The following ATXN10 variants were observed in gnomAD, a reference collection of about 807,000 sequenced individuals.
ATXN10 encodes ataxin-10.
In ATXN10, 28 loss-of-function variants were observed where a neutral mutation model predicts 52.9. The ratio of observed to expected loss-of-function variants is 0.53; its 90% CI spans 0.39 to 0.73. The LOEUF (loss-of-function observed/expected upper bound fraction) is 0.73, where lower values mean the gene tolerates loss of function less well. Ranked by LOEUF, ATXN10 falls within the 30% of genes least tolerant of loss-of-function variation. The probability of loss-of-function intolerance (pLI) is 0.00; values close to 1 mark genes in which losing one functional copy is unlikely to be tolerated. For synonymous variants in ATXN10, 226 were observed against 221.5 expected, an observed-to-expected ratio of 1.02 and a Z score of -0.18; for missense variants, 565 against 577.0, an observed-to-expected ratio of 0.98 and a Z score of 0.21.
intron 7 of ATXN10, among the ~76,000 whole-genome samples, chr22:45,731,410 C>T (rs1925084678): frequency 3.3e-5 from 5 of 152,148 alleles, no homozygotes; most frequent in Admixed American, 3.3e-4. Context: ...AGCTGTATAC[C>T]TTGACACAAC....
rs536980915 is a variant in ATXN10 at position 45,836,612 on chromosome 22, C to T, written c.1238-6379C>T. Among the ~76,000 whole-genome samples the T allele has an allele frequency of 2.0e-5, 3 of 152,330 alleles. No homozygotes were observed. The South Asian group carries it at 6.2e-4, about 32-fold the overall frequency. On this transcript the variant is annotated intron_variant, in intron 10 of 11. Transcript: ENST00000252934. ...CAGGGCCAAGGTCAATGAGGACTCC[C>T]CCCTGGGGATGCACTGGGGTGAGAT...
chr22:45,785,245 A>G (rs1438752160), intron 9 of ATXN10, among the ~76,000 whole-genome samples: 1 of 152,218 alleles, frequency 6.6e-6, no homozygotes, highest in Non-Finnish European at 1.5e-5. Flanking sequence ...GCACTCAAGT[A>G]CATTAGAGAT....
intron 7 of ATXN10, among the ~76,000 whole-genome samples, chr22:45,735,812 CTTTTTTTTTTTTT>C (rs746222703): frequency 4.6e-5 from 3 of 65,818 alleles, no homozygotes; most frequent in South Asian, 7.5e-4. Flanking sequence ...ATTTGCTTGT[CTTTTTTTTTTTTT>C]TTTTTTTTTT....
Position 45,715,451 on chromosome 22 carries a change from A to C in ATXN10, c.648-2962A>C, listed in dbSNP as rs1023503793. Among the ~76,000 whole-genome samples the C allele has an allele frequency of 4.6e-5, 7 of 152,256 alleles. No homozygotes were observed. The highest frequency in any genetic ancestry group is 7.2e-5 in the African/African-American group (3 of 41,472). The stretch of plus-strand genomic sequence containing the variant: ...CAAGTTTGTCCAACCTGCAGGCCGC[A>C]TGCAGCCCAGGATGGCTTTGAATGC... On this transcript the variant is annotated intron_variant, in intron 5 of 11. Coordinates refer to ENST00000252934, the MANE Select transcript of ATXN10 (RefSeq NM_013236.4). The surrounding 1 kb of genome is among the most constrained non-coding windows in gnomAD (Gnocchi z 4.4).
rs948693896 is a variant in ATXN10, at chr22:45,805,018, A to C, written c.1174-1941A>C. ...AGCAATCTTCTCCACTCACATTCAC[A>C]GCCATATAGCAGTCTACTGTGTTTG... is the stretch of plus-strand genomic sequence containing the variant. On this transcript the variant is annotated intron_variant, in intron 9 of 11. Coordinates refer to ENST00000252934, the MANE Select transcript of ATXN10 (RefSeq NM_013236.4). This position sits in a 1 kb window ranked among gnomAD's most constrained non-coding sequence, Gnocchi z 4.4. 6.6e-6 allele frequency among the ~76,000 whole-genome samples: 1 copy of C among 152,178 alleles called. No homozygotes were observed. The highest frequency in any genetic ancestry group is 2.4e-5 in the African/African-American group (1 of 41,440).
At chr22:45,694,579 C>G (rs539979065) in intron 3 of ATXN10, among the ~76,000 whole-genome samples, 3 of 151,546 alleles carry the variant, frequency 2.0e-5, no homozygotes, top group African/African-American at 7.3e-5. Flanking sequence ...GTCAGGAGTT[C>G]AAGACCAGCC....
rs139524788 is a variant in ATXN10, at chr22:45,701,201, C to T, written c.488+823C>T. ...GTACATACCCTGAACTGGGCATTAT[C>T]CGTATATTTTTTCTGTTCTCACAAT... On this transcript the variant is annotated intron_variant, in intron 4 of 11. Transcript: ENST00000252934. This position sits in a 1 kb window ranked among gnomAD's most constrained non-coding sequence, Gnocchi z 4.2. 3.6e-3 allele frequency among the ~76,000 whole-genome samples: 543 copies of T among 152,222 alleles called. 2 individuals carry two copies. The highest frequency in any genetic ancestry group is 0.013 in the African/African-American group (527 of 41,518).
rs1042120172 is a variant in ATXN10 at position 45,712,097 on chromosome 22, C to A, written c.648-6316C>A. ...AATAACCAGATGGATGTTTTTGAGG[C>A]ATGCAAGTGGCTCTTTTTGGGTCAC... On this transcript the variant is annotated intron_variant, in intron 5 of 11. Coordinates refer to ENST00000252934, the MANE Select transcript of ATXN10 (RefSeq NM_013236.4). This position sits in a 1 kb window ranked among gnomAD's most constrained non-coding sequence, Gnocchi z 4.6. Among the ~76,000 whole-genome samples, 4 of 152,182 alleles carry A rather than the reference C, an allele frequency of 2.6e-5. No individual in the cohort carries two copies. The highest frequency in any genetic ancestry group is 5.9e-5 in the Non-Finnish European group (4 of 68,030).
intron 7 of ATXN10, among the ~76,000 whole-genome samples, chr22:45,731,394 G>A (rs1431838699): frequency 6.6e-6 from 1 of 152,208 alleles, no homozygotes; most frequent in Non-Finnish European, 1.5e-5. Context: ...GTAGAATGTG[G>A]CACTTAGCTG....
rs1922986854 is a variant in ATXN10 at position 45,682,912 on chromosome 22, C to T, written c.117-6800C>T. Among the ~76,000 whole-genome samples the T allele has an allele frequency of 1.3e-5, 2 of 152,130 alleles. 1 individual carries two copies. Among genetic ancestry groups the T allele is most frequent in the South Asian group, 4.1e-4 (2 of 4,828 alleles). Reference sequence around the variant, plus strand: ...GCTTTCCCTCTGCTCCAAAAACAGCCCCCTAACTGGTCTCCTGCTGTCGTC... The same window carrying T: ...GCTTTCCCTCTGCTCCAAAAACAGCTCCCTAACTGGTCTCCTGCTGTCGTC... On this transcript the variant is annotated intron_variant, in intron 1 of 11. Transcript: ENST00000252934.
rs181713286 is a variant in ATXN10, at chr22:45,806,610, A to T, written c.1174-349A>T. ...CCCAGCTTAGAAGAGGAATTCACCC[A>T]TGTTTTTTTCTAGTACTGATTTTCT... On this transcript the variant is annotated intron_variant, in intron 9 of 11. Transcript: ENST00000252934. Among the ~76,000 whole-genome samples the T allele has an allele frequency of 6.7e-3, 1,019 of 152,122 alleles. 6 individuals carry two copies. The highest frequency in any genetic ancestry group is 0.023 in the African/African-American group (967 of 41,500).
rs778923128 is a variant in ATXN10 at position 45,688,920 on chromosome 22, T to A, written c.117-792T>A. ...TTTAGGTGCAATGTTGCACAAAAAA[T>A]TCTTATCTTTAGAGCTCTGGAATGA... On this transcript the variant is annotated intron_variant, in intron 1 of 11. Transcript: ENST00000252934. This position sits in a 1 kb window ranked among gnomAD's most constrained non-coding sequence, Gnocchi z 4.0. Among the ~76,000 whole-genome samples the A allele has an allele frequency of 6.6e-6, 1 of 152,178 alleles. No homozygotes were observed. Among genetic ancestry groups the A allele is most frequent in the Non-Finnish European group, 1.5e-5 (1 of 68,032 alleles).
intron 2 of ATXN10, among the ~76,000 whole-genome samples, chr22:45,691,781 T>C (rs542994429): frequency 1.3e-5 from 2 of 152,292 alleles, no homozygotes; most frequent in African/African-American, 4.8e-5. Flanking sequence ...TAGTCCCAGC[T>C]ACTCTGGAGG....
intron 7 of ATXN10, among the ~76,000 whole-genome samples, chr22:45,738,142 T>C (rs1228790755): frequency 1.3e-5 from 2 of 152,234 alleles, no homozygotes; most frequent in Admixed American, 1.3e-4. Flanking sequence ...GCAGTGTATT[T>C]GATAAATTAT....
rs893106214 is a variant in ATXN10, at chr22:45,681,254, C to A, written c.117-8458C>A. Among the ~76,000 whole-genome samples, 2 of 152,132 alleles carry A rather than the reference C, an allele frequency of 1.3e-5. No individual in the cohort carries two copies. The highest frequency in any genetic ancestry group is 2.4e-5 in the African/African-American group (1 of 41,428). On this transcript the variant is annotated intron_variant, in intron 1 of 11. Transcript: ENST00000252934. This position sits in a 1 kb window ranked among gnomAD's most constrained non-coding sequence, Gnocchi z 4.2. ...CCTGACCTCGAATTTCTTTGACTTTCTCTCCCTTAGTGAGCTTGACCTCCA... is the reference window on the plus strand; with the variant it reads ...CCTGACCTCGAATTTCTTTGACTTTATCTCCCTTAGTGAGCTTGACCTCCA...
At chr22:45,672,244 C>G (rs1569017415) in intron 1 of ATXN10, 65 bp downstream of exon 1, 1 of 1,313,820 alleles carries the variant, frequency 7.6e-7, no homozygotes, top group Non-Finnish European at 9.6e-7. Context: ...CGCGGCGGCC[C>G]CGGCCTGGAC....
Position 45,774,031 on chromosome 22 carries a change from A to G in ATXN10, c.1174-32928A>G, listed in dbSNP as rs986848022. Among the ~76,000 whole-genome samples, 3 of 152,234 alleles carry G rather than the reference A, an allele frequency of 2.0e-5. No individual in the cohort carries two copies. Among genetic ancestry groups the G allele is most frequent in the Non-Finnish European group, 4.4e-5 (3 of 68,034 alleles). On this transcript the variant is annotated intron_variant, in intron 9 of 11. Transcript: ENST00000252934. The surrounding 1 kb of genome is among the most constrained non-coding windows in gnomAD (Gnocchi z 6.2). ...AACAAATTGTAAGAAACATGAAGCCATCAAAACAGCCCCTCTTCAGGTCTT... is the reference window on the plus strand; with the variant it reads ...AACAAATTGTAAGAAACATGAAGCCGTCAAAACAGCCCCTCTTCAGGTCTT...
rs1395622060 is a variant in ATXN10, at chr22:45,772,224, A to C, written c.1173+31686A>C. Reference sequence around the variant, plus strand: ...AGTTTTATGTTTTGTGTTTAGATCTAGGATCCATTTGAGTTAGTCTCTCTA... The same window carrying C: ...AGTTTTATGTTTTGTGTTTAGATCTCGGATCCATTTGAGTTAGTCTCTCTA... On this transcript the variant is annotated intron_variant, in intron 9 of 11. Transcript: ENST00000252934. This position sits in a 1 kb window ranked among gnomAD's most constrained non-coding sequence, Gnocchi z 4.1. 2.6e-5 allele frequency among the ~76,000 whole-genome samples: 4 copies of C among 152,224 alleles called. No individual in the cohort carries two copies. The highest frequency in any genetic ancestry group is 2.6e-4 in the Admixed American group (4 of 15,286).
At chr22:45,721,940 A>G (rs1479626231) in intron 6 of ATXN10, among the ~76,000 whole-genome samples, 2 of 150,216 alleles carry the variant, frequency 1.3e-5, no homozygotes, top group African/African-American at 2.5e-5. Context: ...AAAACAAAAC[A>G]AAACAGGAAT....
Sources: allele counts gnomAD v4.1 joint callset (sites outside exome capture counted in the v4.1 genomes callset), GRCh38; gene constraint gnomAD v4.1.1; non-coding constraint Gnocchi (gnomAD v3.1); transcripts MANE v1.5; gene names NCBI Gene and HGNC (gene_info 2026-07-23, HGNC 2026-07-21).